Variants in EDN1 observed in about 807,000 individuals in gnomAD.
The protein encoded by EDN1 is endothelin 1, also known as endothelin-1.
Under a neutral mutation model 21.7 loss-of-function variants are expected in EDN1, and 11 were observed. That is an observed-to-expected ratio of 0.51 (90% CI 0.32 to 0.84). EDN1 has a LOEUF of 0.84. Among genes scored for constraint, EDN1 ranks in the 40% least tolerant of loss-of-function variants. The pLI is 0.03. For missense variants in EDN1, 244 were observed against 262.3 expected (o/e 0.93, Z 0.48); for synonymous variants, 85 against 90.6 (o/e 0.94, Z 0.35).
In EDN1 at chr6:12,294,000, T is replaced by C; in HGVS notation, c.293T>C (p.Leu98Pro). Reference protein sequence around the residue: ...PRSKRALENLLPTKATDRENR... With the variant: ...PRSKRALENLPPTKATDRENR... ...TCCAAGAGAGCCTTGGAGAATTTAC[T>C]TCCCACAAAGGCAACAGACCGTGAA... Residue 98 changes from leucine (L) to proline (P), a missense_variant, in exon 3 of 5, where the codon CTT becomes CCT. By Grantham distance (98) the Leu-to-Pro change is moderately conservative. Coordinates refer to ENST00000379375, the MANE Select transcript of EDN1 (RefSeq NM_001955.5). 6.2e-7 allele frequency: 1 copy of C among 1,614,218 alleles called. No homozygotes were observed. Among genetic ancestry groups the C allele is most frequent in the African/African-American group, 1.3e-5 (1 of 75,062 alleles).
At chr6:12,287,027 G>A (rs1397307607), upstream of EDN1, among the ~76,000 whole-genome samples, 9 of 152,014 alleles carry the variant, frequency 5.9e-5, no homozygotes, top group African/African-American at 2.2e-4. Context: ...TGAAGTAGGA[G>A]TGTCACTTGA....
chr6:12,245,879 CT>C, the EDN1 span, among the ~76,000 whole-genome samples: 1 of 152,142 alleles, frequency 6.6e-6, no homozygotes, highest in Non-Finnish European at 1.5e-5. Context: ...ATCCTCTTGT[CT>C]TGTTAAAGCA....
the EDN1 span, among the ~76,000 whole-genome samples, chr6:12,232,125 AT>A: frequency 3.5e-5 from 5 of 144,686 alleles, no homozygotes; most frequent in African/African-American, 5.0e-5. Context: ...ATTATATAAA[AT>A]TATAATATAA....
intron 4 of EDN1, among the ~76,000 whole-genome samples, chr6:12,295,369 C>T (rs765514240): frequency 2.6e-5 from 4 of 152,120 alleles, no homozygotes; most frequent in East Asian, 1.9e-4. Context: ...ATGCTCCCCA[C>T]GAGATCAGTT....
chr6:12,275,449 C>A, the EDN1 span, among the ~76,000 whole-genome samples: 1 of 152,120 alleles, frequency 6.6e-6, no homozygotes, highest in African/African-American at 2.4e-5. Flanking sequence ...TTACTTGACC[C>A]AGCAGATCTG....
In EDN1 at chr6:12,296,288, T is replaced by C. The variant is rs1762824048; in HGVS notation, c.*221T>C. The C allele has an allele frequency of 1.2e-5, 6 of 520,552 alleles. No individual in the cohort carries two copies. Among genetic ancestry groups the C allele is most frequent in the South Asian group, 4.0e-5 (2 of 50,610 alleles). The allele number at this position is 520,552 out of a possible 1,614,324, so 32.2% of individuals were successfully genotyped here. ...AGTGGTAACTGCTTTGGTCTCTTCTTTCATCTGGGGATGACAATGGACCTC... is the reference window on the plus strand; with the variant it reads ...AGTGGTAACTGCTTTGGTCTCTTCTCTCATCTGGGGATGACAATGGACCTC... On this transcript the variant is annotated 3_prime_UTR_variant, in exon 5 of 5. Coordinates refer to ENST00000379375, the MANE Select transcript of EDN1 (RefSeq NM_001955.5).
At chr6:12,247,666 G>A in the EDN1 span, among the ~76,000 whole-genome samples, 52 of 150,556 alleles carry the variant, frequency 3.5e-4, no homozygotes, top group African/African-American at 1.2e-3. Flanking sequence ...AATCTCCTAA[G>A]TAGCTGGGAT....
chr6:12,287,849 G>A (rs1289505251), upstream of EDN1, among the ~76,000 whole-genome samples: 1 of 151,976 alleles, frequency 6.6e-6, no homozygotes, highest in Non-Finnish European at 1.5e-5. Flanking sequence ...GCCCTTCCAG[G>A]TCTGAAATCC....
the EDN1 span, among the ~76,000 whole-genome samples, chr6:12,279,420 G>A: frequency 6.6e-6 from 1 of 152,174 alleles, no homozygotes; most frequent in Admixed American, 6.5e-5. Context: ...GGTCTGTAGG[G>A]AAGATGAGCT....
chr6:12,281,782 C>G, the EDN1 span, among the ~76,000 whole-genome samples: 2 of 152,010 alleles, frequency 1.3e-5, no homozygotes, highest in African/African-American at 2.4e-5. Context: ...GTGGCTTTTC[C>G]AAAGGTTGTT....
intron 3 of EDN1, 26 bp downstream of exon 3, chr6:12,294,122 A>C (rs1762762223): frequency 6.2e-7 from 1 of 1,614,174 alleles, no homozygotes; most frequent in Non-Finnish European, 8.5e-7. Context: ...TTTGCTTTTC[A>C]ATCAGTTTAA....
chr6:12,294,168 T>G lies in EDN1; in HGVS notation c.389+72T>G, dbSNP rs1762764099. The G allele has an allele frequency of 6.8e-6, 11 of 1,613,298 alleles. No homozygotes were observed. In the South Asian group the frequency reaches 1.2e-4, roughly 18 times the overall value. ...AACTCCTTCCTATCATGGTACTGCC[T>G]TCCTGTTTTAGAGAGACTAACAGAG... On this transcript the variant is annotated intron_variant, in intron 3 of 4. Coordinates refer to ENST00000379375, the MANE Select transcript of EDN1 (RefSeq NM_001955.5).
chr6:12,285,571 TTTTTA>T, upstream of EDN1, among the ~76,000 whole-genome samples: 1 of 152,028 alleles, frequency 6.6e-6, no homozygotes, highest in Non-Finnish European at 1.5e-5. Flanking sequence ...TGTACGAACA[TTTTTA>T]TTTTATTTTA....
chr6:12,236,799 T>A, the EDN1 span, among the ~76,000 whole-genome samples: 1 of 152,004 alleles, frequency 6.6e-6, no homozygotes, highest in East Asian at 1.9e-4. Flanking sequence ...AACTTTTACT[T>A]CTTAACTTCT....
At chr6:12,284,720 A>AAAGGAAGG in the EDN1 span, among the ~76,000 whole-genome samples, 14 of 127,596 alleles carry the variant, frequency 1.1e-4, no homozygotes, top group Non-Finnish European at 1.8e-4. Context: ...AGAAAGAAGG[A>AAAGGAAGG]AAGGAAGGAA....
At chr6:12,241,275 C>T in the EDN1 span, among the ~76,000 whole-genome samples, 1 of 151,356 alleles carries the variant, frequency 6.6e-6, no homozygotes, top group Non-Finnish European at 1.5e-5. Context: ...AAGCGATTCT[C>T]CTGCCTCAGC....
At chr6:12,292,556 G>A (rs181230566) in intron 2 of EDN1, 47 bp downstream of exon 2, 52 of 1,610,018 alleles carry the variant, frequency 3.2e-5, no homozygotes, top group Middle Eastern at 1.7e-4. Flanking sequence ...ATTAGCGCTG[G>A]CTCCACTGGA....
the EDN1 span, among the ~76,000 whole-genome samples, chr6:12,234,509 G>A: frequency 2.6e-5 from 4 of 152,200 alleles, no homozygotes; most frequent in East Asian, 1.9e-4. Flanking sequence ...AAACGGAGGC[G>A]GAGGTCACTT....
chr6:12,290,310 C>T (rs1231155332), upstream of EDN1: 1 of 383,404 alleles, frequency 2.6e-6, no homozygotes, highest in African/African-American at 2.1e-5. Flanking sequence ...CTGTTTACCC[C>T]CACTCTAATA....
Sources: allele counts gnomAD v4.1 joint callset (sites outside exome capture counted in the v4.1 genomes callset), GRCh38; gene constraint gnomAD v4.1.1; transcripts MANE v1.5; gene names NCBI Gene and HGNC (gene_info 2026-07-23, HGNC 2026-07-21).